The following ERC2 variants were observed in gnomAD, a reference collection of about 807,000 sequenced individuals.
The protein encoded by ERC2 is ERC protein 2.
A neutral mutation model predicts 114.8 loss-of-function variants in ERC2; 42 were observed. The observed-to-expected ratio is 0.37, with a 90% CI of 0.29 to 0.47. ERC2 has a LOEUF of 0.47. Among genes scored for constraint, ERC2 ranks in the 20% least tolerant of loss-of-function variants. The pLI is 0.99. For missense variants in ERC2, 939 were observed against 1,150.7 expected (o/e 0.82, Z 2.66); for synonymous variants, 454 against 425.5 (o/e 1.07, Z -0.82).
intron 2 of ERC2, among the ~76,000 whole-genome samples, chr3:56,413,708 A>C (rs773089274): frequency 3.3e-5 from 5 of 152,230 alleles, no homozygotes; most frequent in Non-Finnish European, 5.9e-5. Flanking sequence ...ATTTTTTCAA[A>C]GAATAATGCT....
chr3:56,152,271 G>T (rs1008389418), intron 4 of ERC2, among the ~76,000 whole-genome samples: 18 of 151,996 alleles, frequency 1.2e-4, no homozygotes, highest in Non-Finnish European at 2.6e-4. Flanking sequence ...CAGTATTACT[G>T]CCTCTAGAAG....
At chr3:55,832,703 C>A (rs956960295) in intron 14 of ERC2, among the ~76,000 whole-genome samples, 1 of 152,226 alleles carries the variant, frequency 6.6e-6, no homozygotes, top group African/African-American at 2.4e-5. Flanking sequence ...CAGAGCGCCT[C>A]TCCTCCTTCA....
chr3:56,459,398 G>T (rs1473025485), intron 1 of ERC2, among the ~76,000 whole-genome samples: 4 of 152,132 alleles, frequency 2.6e-5, no homozygotes, highest in Non-Finnish European at 4.4e-5. Context: ...TTAATAGTTT[G>T]CTCCTAATGC....
chr3:56,356,613 T>C (rs1182997831), intron 2 of ERC2, among the ~76,000 whole-genome samples: 4 of 152,240 alleles, frequency 2.6e-5, no homozygotes, highest in Non-Finnish European at 1.5e-5. Context: ...AAGGCCTTTA[T>C]TCTGGCCTTT....
chr3:55,636,588 T>C (rs1005741917), intron 17 of ERC2, among the ~76,000 whole-genome samples: 3 of 152,290 alleles, frequency 2.0e-5, no homozygotes, highest in African/African-American at 7.2e-5. Flanking sequence ...CAAACTATAA[T>C]ACACTAAATC....
At chr3:55,888,924 A>G (rs2063484409) in intron 13 of ERC2, among the ~76,000 whole-genome samples, 2 of 152,208 alleles carry the variant, frequency 1.3e-5, no homozygotes, top group South Asian at 2.1e-4. Flanking sequence ...AAAAAATTAA[A>G]ACAAAACAGA....
intron 7 of ERC2, among the ~76,000 whole-genome samples, chr3:56,075,399 C>T (rs1041867926): frequency 1.3e-5 from 2 of 152,116 alleles, no homozygotes; most frequent in Admixed American, 1.3e-4. Flanking sequence ...GTGGTGTTTG[C>T]CTTCTCTTGG....
chr3:56,303,842 G>A (rs1476827944), intron 2 of ERC2, among the ~76,000 whole-genome samples: 11 of 152,204 alleles, frequency 7.2e-5, no homozygotes, highest in Non-Finnish European at 2.9e-5. Context: ...AGGGGGACAG[G>A]CAGTGGGTGG....
At position 56,296,085 on chromosome 3, in the gene ERC2, C is replaced by G. The variant is rs1192139869; in HGVS notation, c.1008G>C (p.Glu336Asp). The G allele has an allele frequency of 5.0e-6, 8 of 1,613,202 alleles. No homozygotes were observed. Among genetic ancestry groups the G allele is most frequent in the Non-Finnish European group, 6.8e-6 (8 of 1,179,244 alleles). ...TCACTTCCAAGTGGCTGACCTGAGA[C>G]TCAGCCTCTGCCATCCGCCGCGTTC... ...NERTRRMAEA[E>D]SQVSHLEVIL... The change falls in exon 3 of 18, where the codon GAG becomes GAC. Residue 336 changes from glutamate to aspartate, a missense_variant. Coordinates refer to ENST00000288221, the MANE Select transcript of ERC2 (RefSeq NM_015576.3).
intron 3 of ERC2, among the ~76,000 whole-genome samples, chr3:56,289,826 A>G (rs2054965305): frequency 1.3e-5 from 2 of 152,194 alleles, no homozygotes; most frequent in African/African-American, 4.8e-5. Context: ...GTAGCATGCA[A>G]TGGGGACAGG....
chr3:56,307,486 C>T (rs11715774), intron 2 of ERC2, among the ~76,000 whole-genome samples: 50,425 of 152,002 alleles, frequency 0.33, 8,540 homozygotes, highest in Admixed American at 0.34. Context: ...GTGGGGATAA[C>T]AGTGTAGACC....
chr3:56,046,167 G>C (rs1263064818), intron 7 of ERC2, among the ~76,000 whole-genome samples: 2 of 152,114 alleles, frequency 1.3e-5, no homozygotes, highest in Non-Finnish European at 2.9e-5. Flanking sequence ...ATCAAACTGA[G>C]TCTGGAAAAT....
chr3:56,340,596 A>G (rs2058051841), intron 2 of ERC2, among the ~76,000 whole-genome samples: 1 of 142,768 alleles, frequency 7.0e-6, no homozygotes, highest in South Asian at 2.3e-4. Flanking sequence ...TCACTAATTT[A>G]CAGAGCATAT....
At chr3:56,076,278 A>G (rs1047148750) in intron 7 of ERC2, among the ~76,000 whole-genome samples, 1 of 152,150 alleles carries the variant, frequency 6.6e-6, no homozygotes, top group Non-Finnish European at 1.5e-5. Context: ...GTCCAATTTT[A>G]ATGGGTTTAA....
intron 17 of ERC2, among the ~76,000 whole-genome samples, chr3:55,587,745 G>A (rs2057671839): frequency 6.6e-6 from 1 of 152,236 alleles, no homozygotes; most frequent in African/African-American, 2.4e-5. Context: ...CTGAGCTGGT[G>A]ATAATACTAT....
At chr3:56,194,362 G>T (rs1439052241) in intron 3 of ERC2, among the ~76,000 whole-genome samples, 2 of 152,122 alleles carry the variant, frequency 1.3e-5, no homozygotes, top group African/African-American at 4.8e-5. Context: ...AGATTATGCG[G>T]CGAGGCCCGA....
chr3:56,322,212 T>G (rs142783739), intron 2 of ERC2, among the ~76,000 whole-genome samples: 3 of 152,334 alleles, frequency 2.0e-5, no homozygotes, highest in African/African-American at 7.2e-5. Flanking sequence ...AGCAGTTGTT[T>G]ATCAAATAAT....
intron 17 of ERC2, among the ~76,000 whole-genome samples, chr3:55,588,354 T>C (rs2057701126): frequency 6.6e-6 from 1 of 151,750 alleles, no homozygotes; most frequent in African/African-American, 2.4e-5. Flanking sequence ...ACACGAGCCA[T>C]TTGGAGCATT....
At chr3:55,848,552 C>T (rs1043739063) in intron 14 of ERC2, among the ~76,000 whole-genome samples, 5 of 152,202 alleles carry the variant, frequency 3.3e-5, no homozygotes, top group Admixed American at 6.5e-5. Flanking sequence ...GCACCTCCGC[C>T]GTCATCTCCC....
Sources: gnomAD v4.1 joint callset for allele counts (sites outside exome capture counted in the v4.1 genomes callset) on GRCh38, gnomAD v4.1.1 for gene constraint, MANE v1.5 for transcripts, NCBI Gene and HGNC (gene_info 2026-07-23, HGNC 2026-07-21) for gene names.